CPE: variants seen among roughly 807,000 people sequenced by gnomAD.
The protein encoded by CPE is carboxypeptidase E.
In CPE, 17 loss-of-function variants were observed where a neutral mutation model predicts 53.5. The observed-to-expected ratio is 0.32, with a 90% CI of 0.22 to 0.48. The LOEUF is 0.48. Ranked by LOEUF, CPE falls within the 20% of genes least tolerant of loss-of-function variation. The pLI is 0.99. For synonymous variants in CPE, 226 were observed against 228.8 expected (o/e 0.99, Z 0.11); for missense variants, 524 against 614.7 (o/e 0.85, Z 1.56).
At chr4:165,434,398 A>G (rs983371036) in intron 1 of CPE, among the ~76,000 whole-genome samples, 2 of 152,242 alleles carry the variant, frequency 1.3e-5, no homozygotes, top group Non-Finnish European at 2.9e-5. Flanking sequence ...TAGCGATGTT[A>G]TAGTGTTCAC....
At chr4:165,405,136 A>G (rs963679215) in intron 1 of CPE, 97 of 759,758 alleles carry the variant, frequency 1.3e-4, no homozygotes, top group Non-Finnish European at 2.0e-4. Flanking sequence ...TTACTTTGTC[A>G]TTCAATCCTT....
At chr4:165,437,690 A>G (rs1157590084) in intron 1 of CPE, among the ~76,000 whole-genome samples, 1 of 152,212 alleles carries the variant, frequency 6.6e-6, no homozygotes, top group African/African-American at 2.4e-5. Context: ...TGCATTGGGT[A>G]TGATGGGAGG....
At chr4:165,405,616 T>A (rs867384519) in intron 1 of CPE, 2 of 788,350 alleles carry the variant, frequency 2.5e-6, no homozygotes, top group African/African-American at 1.7e-5. Flanking sequence ...TCTTATCAGC[T>A]AGTCCTTTGG....
chr4:165,404,912 C>T (rs1273223619), intron 1 of CPE: 21 of 761,020 alleles, frequency 2.8e-5, no homozygotes, highest in Middle Eastern at 2.8e-4. Context: ...AGCGATTTCA[C>T]TGACTGGGAG....
At chr4:165,381,487 T>C in intron 1 of CPE, 1 of 350,522 alleles carries the variant, frequency 2.9e-6, no homozygotes, top group Non-Finnish European at 5.6e-6. Flanking sequence ...AATACGTTGA[T>C]TGAATTCCTC....
At chr4:165,467,932 A>C in intron 3 of CPE, 77 bp downstream of exon 3, 1 of 1,471,112 alleles carries the variant, frequency 6.8e-7, no homozygotes, top group Non-Finnish European at 9.3e-7. Context: ...ATCATCATGA[A>C]GGACAGAGGA....
chr4:165,418,287 A>T (rs980411121), intron 1 of CPE: 2 of 152,270 alleles, frequency 1.3e-5, no homozygotes, highest in Non-Finnish European at 2.9e-5. Flanking sequence ...GAAGGCCAGA[A>T]GGTGGTGAGA....
rs1730944747 is a variant in CPE, at chr4:165,405,814, G to C, written c.307+26286G>C. On this transcript the variant is annotated intron_variant, in intron 1 of 8. Coordinates refer to ENST00000402744, the MANE Select transcript of CPE (RefSeq NM_001873.4). ...ACCCACCATTTTGGGCAGCCTTTGTGTGCCTCCTGCTCCTGGTAAGATCCC... is the reference window on the plus strand; with the variant it reads ...ACCCACCATTTTGGGCAGCCTTTGTCTGCCTCCTGCTCCTGGTAAGATCCC... 7 of 762,212 alleles carry C rather than the reference G, an allele frequency of 9.2e-6. No homozygotes were observed. The Admixed American group carries it at 1.2e-4, about 13-fold the overall frequency. 47.2% of individuals were successfully genotyped at this position (762,212 alleles called of 1,614,324 possible). A position where few individuals can be genotyped will look rare whatever the true frequency, so the allele number is the denominator to read the frequency against.
intron 1 of CPE, among the ~76,000 whole-genome samples, chr4:165,416,320 C>T (rs754299349): frequency 4.6e-5 from 7 of 152,172 alleles, no homozygotes; most frequent in Non-Finnish European, 7.3e-5. Flanking sequence ...CCTCTGGGGG[C>T]TCTGGGCGGT....
At chr4:165,442,319 C>T (rs997133755) in intron 1 of CPE, among the ~76,000 whole-genome samples, 1 of 152,096 alleles carries the variant, frequency 6.6e-6, no homozygotes, top group African/African-American at 2.4e-5. Flanking sequence ...GTTGGGATTA[C>T]AGGCATGAAC....
chr4:165,495,641 A>C lies in CPE; in HGVS notation c.1296A>C (p.Thr432=), dbSNP rs17046554. 2,324 of 1,613,970 alleles carry C rather than the reference A, an allele frequency of 1.4e-3. 49 individuals are homozygous for C. In the African/African-American group the frequency reaches 0.027, roughly 19 times the overall value. ...CAGCTCCAGGCTATCTGGCAATAACAAAGAAAGTGGCAGTTCCTTACAGCC... is the reference window on the plus strand; with the variant it reads ...CAGCTCCAGGCTATCTGGCAATAACCAAGAAAGTGGCAGTTCCTTACAGCC... ...TASAPGYLAI[T]KKVAVPYSPA... Residue 432 remains threonine, a synonymous_variant, in exon 8 of 9, where the codon ACA becomes ACC. Transcript: ENST00000402744.
chr4:165,483,553 G>T (rs1030531153), intron 4 of CPE, among the ~76,000 whole-genome samples: 1 of 152,132 alleles, frequency 6.6e-6, no homozygotes, highest in Non-Finnish European at 1.5e-5. Context: ...TTAGTTCTTT[G>T]AGAAATCTCT....
chr4:165,466,121 T>G (rs551783271), intron 2 of CPE, among the ~76,000 whole-genome samples: 1 of 152,244 alleles, frequency 6.6e-6, no homozygotes, highest in South Asian at 2.1e-4. Flanking sequence ...CATTCTAGAG[T>G]GCACCTACAT....
intron 1 of CPE, among the ~76,000 whole-genome samples, chr4:165,452,055 C>A (rs1356022010): frequency 2.0e-5 from 3 of 151,662 alleles, no homozygotes; most frequent in Non-Finnish European, 4.4e-5. Context: ...CCTGTGTAGG[C>A]CCAGAGAGAC....
chr4:165,401,689 G>A (rs867559405), intron 1 of CPE, among the ~76,000 whole-genome samples: 1 of 152,192 alleles, frequency 6.6e-6, no homozygotes, highest in African/African-American at 2.4e-5. Context: ...GCCTTCCTGA[G>A]TGGAGGAGGG....
chr4:165,446,607 C>G (rs1731720281), intron 1 of CPE, among the ~76,000 whole-genome samples: 1 of 152,148 alleles, frequency 6.6e-6, no homozygotes, highest in South Asian at 2.1e-4. Flanking sequence ...CTCAGCCTCC[C>G]AAAGTGCTGG....
intron 4 of CPE, among the ~76,000 whole-genome samples, chr4:165,483,001 G>GTTT (rs546229382): frequency 1.4e-5 from 2 of 139,760 alleles, no homozygotes; most frequent in Non-Finnish European, 3.2e-5. Context: ...TGATTAGTTT[G>GTTT]TTTTTTTTTT....
intron 3 of CPE, among the ~76,000 whole-genome samples, chr4:165,478,690 T>A (rs907824706): frequency 1.3e-5 from 2 of 152,216 alleles, no homozygotes; most frequent in African/African-American, 4.8e-5. Context: ...TGTATCAACC[T>A]GTAAATATAT....
chr4:165,413,822 C>A (rs1389401035), intron 1 of CPE, among the ~76,000 whole-genome samples: 1 of 152,096 alleles, frequency 6.6e-6, no homozygotes, highest in Non-Finnish European at 1.5e-5. Context: ...CTTGGAGATA[C>A]CTGAAAATTG....
Sources: allele counts gnomAD v4.1 joint callset (sites outside exome capture counted in the v4.1 genomes callset), GRCh38; gene constraint gnomAD v4.1.1; transcripts MANE v1.5; gene names NCBI Gene and HGNC (gene_info 2026-07-23, HGNC 2026-07-21).